NBEAL1: variants seen among roughly 807,000 people sequenced by gnomAD.
NBEAL1 encodes the protein neurobeachin like 1.
A neutral mutation model predicts 351.3 loss-of-function variants in NBEAL1; 273 were observed. That is an observed-to-expected ratio of 0.78 (90% CI 0.70 to 0.86). NBEAL1 has a LOEUF of 0.86. Among genes scored for constraint, NBEAL1 ranks in the 40% least tolerant of loss-of-function variants. The pLI is 0.00. For synonymous variants in NBEAL1, 1,050 were observed against 1,086.4 expected, an observed-to-expected ratio of 0.97 and a Z score of 0.66; for missense variants, 2,961 against 3,201.3, an observed-to-expected ratio of 0.92 and a Z score of 1.81.
intron 48 of NBEAL1, among the ~76,000 whole-genome samples, chr2:203,198,219 C>T (rs931496957): frequency 6.6e-6 from 1 of 151,352 alleles, no homozygotes; most frequent in Non-Finnish European, 1.5e-5. Flanking sequence ...TGCCATGTTG[C>T]CCAGGTTGGT....
rs1001481703 is a variant in NBEAL1 at position 203,217,672 on chromosome 2, A to G, written c.*318A>G. ...AAATTTAAGATTTTTCTAATAAAAG[A>G]GTACAGATAATGGGACAGTTGAGAG... On this transcript the variant is annotated 3_prime_UTR_variant, in exon 56 of 56. Transcript: ENST00000683969. 29 of 960,974 alleles carry G rather than the reference A, an allele frequency of 3.0e-5. No homozygotes were observed. Among genetic ancestry groups the G allele is most frequent in the Non-Finnish European group, 3.5e-5 (28 of 803,288 alleles). 59.5% of individuals were successfully genotyped at this position (960,974 alleles called of 1,614,324 possible). A position where few individuals can be genotyped will look rare whatever the true frequency, so the allele number is the denominator to read the frequency against.
At position 203,175,176 on chromosome 2, in the gene NBEAL1, C is replaced by G. The variant is rs372958179; in HGVS notation, c.6353C>G (p.Thr2118Ser). The G allele has an allele frequency of 2.5e-6, 4 of 1,611,874 alleles. No homozygotes were observed. In the African/African-American group the frequency reaches 5.3e-5, roughly 22 times the overall value. Residue 2118 changes from threonine (T) to serine (S), a missense_variant, in exon 42 of 56, where the codon ACT (threonine) becomes AGT (serine). Thr to Ser is a moderately conservative substitution (Grantham distance 58). Coordinates refer to ENST00000683969, the MANE Select transcript of NBEAL1 (RefSeq NM_001378026.1). ...GAAAATTTTGAGGATCCTATGGGAA[C>G]TATTGATAAGTTTCACTATGGTACT... Reference protein sequence around the residue: ...KYENFEDPMGTIDKFHYGTHY... With the variant: ...KYENFEDPMGSIDKFHYGTHY...
chr2:203,128,069 C>T, intron 24 of NBEAL1, 132 bp downstream of exon 24: 1 of 642,156 alleles, frequency 1.6e-6, no homozygotes, highest in South Asian at 2.0e-5. Flanking sequence ...CAATATTATG[C>T]ACTTAAGAAG....
chr2:203,135,043 C>T (rs184606676), intron 27 of NBEAL1, among the ~76,000 whole-genome samples: 76 of 151,812 alleles, frequency 5.0e-4, no homozygotes, highest in African/African-American at 1.8e-3. Flanking sequence ...AGGAGTGGTG[C>T]TGTGTGCCTG....
chr2:203,169,515 A>G (rs1037762945), intron 38 of NBEAL1, among the ~76,000 whole-genome samples: 14 of 151,968 alleles, frequency 9.2e-5, no homozygotes, highest in African/African-American at 3.4e-4. Context: ...CAGCCTGGGC[A>G]ACATGGTAAA....
At chr2:203,091,637 GTTTT>G (rs895146782) in intron 10 of NBEAL1, among the ~76,000 whole-genome samples, 41 of 151,904 alleles carry the variant, frequency 2.7e-4, no homozygotes, top group African/African-American at 9.4e-4. Flanking sequence ...CAGTAGTGTT[GTTTT>G]TTTTCTTTTT....
rs2106095256 is a variant in NBEAL1 at position 203,057,438 on chromosome 2, G to T, written c.500G>T (p.Arg167Ile). 1.9e-6 allele frequency: 3 copies of T among 1,550,402 alleles called. No homozygotes were observed. In the East Asian group the frequency reaches 7.3e-5, roughly 38 times the overall value. The change falls in exon 6 of 56, where the codon AGA (arginine) becomes ATA (isoleucine). Residue 167 changes from arginine (R) to isoleucine (I), a missense_variant. By Grantham distance (97) the Arg-to-Ile change is moderately conservative. Coordinates refer to ENST00000683969, the MANE Select transcript of NBEAL1 (RefSeq NM_001378026.1). ...ESLYDPYRNW[R>I]HRISGRILST... ...TTATATGATCCATATCGGAATTGGAGACATAGAATTTCAGGGTATGTCTTA... is the reference window on the plus strand; with the variant it reads ...TTATATGATCCATATCGGAATTGGATACATAGAATTTCAGGGTATGTCTTA...
intron 36 of NBEAL1, among the ~76,000 whole-genome samples, chr2:203,158,753 A>T (rs1447597548): frequency 6.8e-6 from 1 of 146,796 alleles, no homozygotes; most frequent in Non-Finnish European, 1.5e-5. Flanking sequence ...TTATCATCTG[A>T]TATCATTTCC....
chr2:203,104,408 C>T (rs1260174372), intron 12 of NBEAL1, among the ~76,000 whole-genome samples: 2 of 152,158 alleles, frequency 1.3e-5, no homozygotes, highest in South Asian at 4.1e-4. Flanking sequence ...TTTCTCCATT[C>T]CTTTACTTTA....
chr2:203,117,727 G>A (rs990691467), intron 18 of NBEAL1, among the ~76,000 whole-genome samples: 3 of 152,104 alleles, frequency 2.0e-5, no homozygotes, highest in Admixed American at 6.5e-5. Flanking sequence ...TGCTACCCAG[G>A]TTGGAGTGTA....
chr2:203,162,225 T>A (rs2063988821), intron 36 of NBEAL1, among the ~76,000 whole-genome samples: 1 of 151,794 alleles, frequency 6.6e-6, no homozygotes, highest in Non-Finnish European at 1.5e-5. Context: ...GGTTTCACCG[T>A]GTTGGCCAGG....
chr2:203,044,020 A>G (rs2061187834), intron 3 of NBEAL1, among the ~76,000 whole-genome samples: 1 of 152,106 alleles, frequency 6.6e-6, no homozygotes, highest in Non-Finnish European at 1.5e-5. Flanking sequence ...TTGATCATCA[A>G]GTTTGTGTTT....
At chr2:203,120,422 T>G (rs1464209997) in intron 18 of NBEAL1, among the ~76,000 whole-genome samples, 1 of 152,124 alleles carries the variant, frequency 6.6e-6, no homozygotes, top group Non-Finnish European at 1.5e-5. Context: ...AAATTAATAG[T>G]GAGGGTACAA....
chr2:203,213,814 T>A, intron 55 of NBEAL1, 161 bp downstream of exon 55: 3 of 982,934 alleles, frequency 3.1e-6, no homozygotes, highest in Non-Finnish European at 3.6e-6. Flanking sequence ...AAAGCTGTTA[T>A]TCAAGAATCA....
intron 44 of NBEAL1, among the ~76,000 whole-genome samples, chr2:203,185,932 A>G (rs547764437): frequency 8.5e-5 from 13 of 152,224 alleles, no homozygotes; most frequent in Non-Finnish European, 1.0e-4. Context: ...ATTTGTAGCT[A>G]TCTTAAATCA....
At chr2:203,107,306 CTTTA>C (rs1401858350) in intron 12 of NBEAL1, 110 bp from the exon 13 acceptor site, 15 of 513,566 alleles carry the variant, frequency 2.9e-5, no homozygotes, top group South Asian at 2.1e-4. Flanking sequence ...GTGTCTTTTT[CTTTA>C]TTTAATATTA....
At chr2:203,102,815 G>T (rs138972740) in intron 12 of NBEAL1, among the ~76,000 whole-genome samples, 38 of 152,278 alleles carry the variant, frequency 2.5e-4, no homozygotes, top group African/African-American at 8.9e-4. Context: ...GGTGATGTTG[G>T]CCTCATAGAA....
chr2:203,163,375 TAA>T (rs1012867685), intron 36 of NBEAL1, among the ~76,000 whole-genome samples: 2 of 152,196 alleles, frequency 1.3e-5, no homozygotes, highest in Non-Finnish European at 2.9e-5. Context: ...CAATTTTGTT[TAA>T]AGTCCTTTTT....
At position 203,107,705 on chromosome 2, in the gene NBEAL1, A is replaced by C. The variant is rs979738923; in HGVS notation, c.1466A>C (p.His489Pro). The C allele has an allele frequency of 1.9e-6, 3 of 1,553,376 alleles. No individual in the cohort carries two copies. In the South Asian group the frequency reaches 3.6e-5, roughly 18 times the overall value. ...LIQWLPELQS[H>P]DLQIFISDWL... is the part of the protein sequence containing the mutation. The stretch of plus-strand genomic sequence containing the variant: ...CAGTGGCTTCCAGAACTACAATCCC[A>C]TGACCTGCAAATCTTCATCTCTGAT... The change falls in exon 14 of 56, where the codon CAT becomes CCT. Residue 489 changes from histidine (H) to proline (P), a missense_variant. His to Pro is a moderately conservative substitution (Grantham distance 77, BLOSUM62 -2). Coordinates refer to ENST00000683969, the MANE Select transcript of NBEAL1 (RefSeq NM_001378026.1).
Sources: gnomAD v4.1 joint callset for allele counts (sites outside exome capture counted in the v4.1 genomes callset) on GRCh38, gnomAD v4.1.1 for gene constraint, MANE v1.5 for transcripts, NCBI Gene and HGNC (gene_info 2026-07-23, HGNC 2026-07-21) for gene names.